The following SIK3 variants were observed in gnomAD, a reference collection of about 807,000 sequenced individuals.
The protein encoded by SIK3 is serine/threonine-protein kinase SIK3.
In SIK3, 28 loss-of-function variants were observed where a neutral mutation model predicts 144.2. The observed-to-expected ratio is 0.19, with a 90% CI of 0.14 to 0.27. The LOEUF (loss-of-function observed/expected upper bound fraction) is 0.27. Ranked by LOEUF, SIK3 falls within the 10% of genes least tolerant of loss-of-function variation. The pLI, the probability that SIK3 is intolerant of heterozygous loss-of-function variation, is 1.00. For missense variants in SIK3, 1,319 were observed against 1,776.0 expected, an observed-to-expected ratio of 0.74 and a Z score of 4.62; for synonymous variants, 686 against 676.3, an observed-to-expected ratio of 1.01 and a Z score of -0.22.
intron 1 of SIK3, among the ~76,000 whole-genome samples, chr11:117,059,778 C>T (rs1953713070): frequency 6.6e-6 from 1 of 152,140 alleles, no homozygotes; most frequent in Non-Finnish European, 1.5e-5. Flanking sequence ...TGTTACTAGG[C>T]TACTGCAAAT....
intron 3 of SIK3, among the ~76,000 whole-genome samples, chr11:116,938,612 A>AAAAT (rs1948107524): frequency 1.4e-4 from 2 of 14,386 alleles, no homozygotes; most frequent in African/African-American, 1.0e-3. Flanking sequence ...AGAGGAGAGG[A>AAAAT]GAGGGGAGGG....
intron 6 of SIK3, among the ~76,000 whole-genome samples, chr11:116,884,424 T>C (rs147432960): frequency 6.7e-6 from 1 of 150,106 alleles, no homozygotes; most frequent in African/African-American, 2.5e-5. Flanking sequence ...CTCGGCTCAC[T>C]GCAACCTCGC....
intron 3 of SIK3, among the ~76,000 whole-genome samples, chr11:116,946,114 T>C (rs1484654149): frequency 6.6e-6 from 1 of 152,226 alleles, no homozygotes; most frequent in East Asian, 1.9e-4. Context: ...TTGATCTTGC[T>C]TTAGAGATTG....
chr11:117,057,143 C>T (rs1207488986), intron 1 of SIK3, among the ~76,000 whole-genome samples: 1 of 152,128 alleles, frequency 6.6e-6, no homozygotes, highest in African/African-American at 2.4e-5. Context: ...TTAGATAATA[C>T]TACATACATT....
chr11:117,035,804 T>C (rs1952472429), intron 1 of SIK3: 11 of 1,461,472 alleles, frequency 7.5e-6, no homozygotes, highest in Non-Finnish European at 1.0e-5. Context: ...CTTTTAGTGC[T>C]GCTTCCTCCT....
intron 4 of SIK3, among the ~76,000 whole-genome samples, chr11:116,919,722 T>C (rs1946858751): frequency 6.6e-6 from 1 of 152,190 alleles, no homozygotes; most frequent in African/African-American, 2.4e-5. Context: ...AGCAATACAT[T>C]AACCATTTTC....
Position 116,844,642 on chromosome 11 carries a change from A to ATATATATATTATATATATAATATATATAT in SIK3, c.*1000_*1001insATATATATATTATATATATAATATATATA, listed in dbSNP as rs1565345727. 1 of 79,496 alleles carries ATATATATATTATATATATAATATATATAT rather than the reference A, an allele frequency of 1.3e-5. No individual in the cohort carries two copies. Among genetic ancestry groups the ATATATATATTATATATATAATATATATAT allele is most frequent in the African/African-American group, 1.5e-4 (1 of 6,578 alleles). The allele number at this position is 79,496 out of a possible 1,614,324, so 4.9% of individuals were successfully genotyped here. A position where few individuals can be genotyped will look rare whatever the true frequency, so the allele number is the denominator to read the frequency against. Reference sequence around the variant, plus strand: ...TAATATATATATAATATATTATATTATATATTATATATATAATATATATAT... The same window carrying ATATATATATTATATATATAATATATATAT: ...TAATATATATATAATATATTATATTATATATATATTATATATATAATATATATATTATATTATATATATAATATATATAT... On this transcript the variant is annotated 3_prime_UTR_variant, in exon 25 of 25. Transcript: ENST00000445177.
At chr11:116,870,140 C>G in intron 14 of SIK3, 191 bp downstream of exon 14, 2 of 1,529,618 alleles carry the variant, frequency 1.3e-6, no homozygotes, top group Non-Finnish European at 1.8e-6. Flanking sequence ...ATGGTGCTTA[C>G]AGAAATGACA....
intron 3 of SIK3, among the ~76,000 whole-genome samples, chr11:116,952,515 T>C (rs566219423): frequency 6.6e-6 from 1 of 152,342 alleles, no homozygotes; most frequent in East Asian, 1.9e-4. Context: ...GACCATAGTA[T>C]AGTCTCCCAA....
At chr11:117,057,810 G>A in intron 1 of SIK3, among the ~76,000 whole-genome samples, 1 of 152,080 alleles carries the variant, frequency 6.6e-6, no homozygotes, top group East Asian at 1.9e-4. Flanking sequence ...GATAATTCTA[G>A]GTCCTACTTA....
intron 6 of SIK3, among the ~76,000 whole-genome samples, chr11:116,891,259 G>A (rs560231511): frequency 6.6e-6 from 1 of 152,302 alleles, no homozygotes; most frequent in Non-Finnish European, 1.5e-5. Flanking sequence ...GGAGATTGCA[G>A]GAAGCTATGA....
At chr11:117,085,063 T>C (rs963897165) in intron 1 of SIK3, among the ~76,000 whole-genome samples, 1 of 150,210 alleles carries the variant, frequency 6.7e-6, no homozygotes, top group Non-Finnish European at 1.5e-5. Context: ...TTAAGATATT[T>C]TGATATTAAC....
chr11:116,967,003 C>CCAAAAAAAAAAA (rs1555113643), intron 1 of SIK3, among the ~76,000 whole-genome samples: 1 of 100,096 alleles, frequency 1.0e-5, no homozygotes, highest in African/African-American at 4.8e-5. Context: ...GACTCTGTTT[C>CCAAAAAAAAAAA]AAAAAAAAAA....
intron 3 of SIK3, among the ~76,000 whole-genome samples, chr11:116,928,120 G>T (rs61907593): frequency 6.6e-6 from 1 of 152,164 alleles, no homozygotes; most frequent in African/African-American, 2.4e-5. Flanking sequence ...TATATCAAAA[G>T]AATTTACATG....
At chr11:117,048,487 T>C (rs1038410130) in intron 1 of SIK3, among the ~76,000 whole-genome samples, 6 of 151,924 alleles carry the variant, frequency 3.9e-5, no homozygotes, top group African/African-American at 1.5e-4. Context: ...AGAAACCCCA[T>C]CTCTGCTAAA....
At chr11:117,056,421 T>C (rs1004110508) in intron 1 of SIK3, among the ~76,000 whole-genome samples, 10 of 152,022 alleles carry the variant, frequency 6.6e-5, no homozygotes, top group Admixed American at 3.9e-4. Context: ...ATATACCTTA[T>C]GTAAATGATG....
intron 2 of SIK3, among the ~76,000 whole-genome samples, chr11:116,954,516 A>C (rs1365189569): frequency 6.6e-6 from 1 of 151,998 alleles, no homozygotes; most frequent in East Asian, 1.9e-4. Context: ...CCTTTGGGGA[A>C]AATAATGGGA....
intron 1 of SIK3, among the ~76,000 whole-genome samples, chr11:117,039,812 G>C (rs570176047): frequency 1.3e-5 from 2 of 152,190 alleles, no homozygotes; most frequent in South Asian, 4.2e-4. Context: ...AGAAAACTAC[G>C]GTTTACAACT....
At chr11:117,012,343 A>T (rs1054267137) in intron 1 of SIK3, among the ~76,000 whole-genome samples, 1 of 152,152 alleles carries the variant, frequency 6.6e-6, no homozygotes, top group African/African-American at 2.4e-5. Context: ...ATATTGGAGC[A>T]TAGAGGGCAT....
Sources: gnomAD v4.1 joint callset for allele counts (sites outside exome capture counted in the v4.1 genomes callset) on GRCh38, gnomAD v4.1.1 for gene constraint, MANE v1.5 for transcripts, NCBI Gene and HGNC (gene_info 2026-07-23, HGNC 2026-07-21) for gene names.